PKD1L1: variants seen among roughly 807,000 people sequenced by gnomAD.
PKD1L1 encodes polycystin 1 like 1, transient receptor potential channel interacting, also known as polycystin-1-like protein 1.
Under a neutral mutation model 323.4 loss-of-function variants are expected in PKD1L1, and 236 were observed. The ratio of observed to expected loss-of-function variants is 0.73; its 90% CI spans 0.66 to 0.81. PKD1L1 has a LOEUF of 0.81. Among genes scored for constraint, PKD1L1 ranks in the 40% least tolerant of loss-of-function variants. The pLI is 0.00. For synonymous variants in PKD1L1, 1,344 were observed against 1,335.0 expected, an observed-to-expected ratio of 1.01 and a Z score of -0.15; for missense variants, 3,320 against 3,508.0, an observed-to-expected ratio of 0.95 and a Z score of 1.35.
chr7:47,940,122 T>C (rs1224773521), intron 3 of PKD1L1, 71 bp downstream of exon 3: 3 of 1,554,884 alleles, frequency 1.9e-6, no homozygotes, highest in Non-Finnish European at 2.6e-6. Context: ...AACATGGAGG[T>C]GCTTTTTAGC....
In PKD1L1 at chr7:47,908,201, G is replaced by A. The variant is rs759113323; in HGVS notation, c.1278C>T (p.Thr426=). 1.9e-5 allele frequency: 30 copies of A among 1,614,014 alleles called. No homozygotes were observed. The highest frequency in any genetic ancestry group is 1.8e-4 in the Admixed American group (11 of 60,002). The change falls in exon 9 of 57, where the codon ACC becomes ACT. Residue 426 remains threonine (T), a synonymous_variant. Coordinates refer to ENST00000289672, the MANE Select transcript of PKD1L1 (RefSeq NM_138295.5). ...CATAATAAGGCCCAAGCTCCACTTC[G>A]GTTCCATGAAACTCGTTATAAATAA... The part of the protein sequence containing the change: ...KAVIYNEFHG[T]EVELGPYYVE...
rs1006800741 is a variant in PKD1L1, at chr7:47,929,438, G to A, written c.826C>T (p.His276Tyr). The A allele has an allele frequency of 6.2e-7, 1 of 1,614,032 alleles. No individual in the cohort carries two copies. The change falls in exon 7 of 57, where the codon CAT becomes TAT. Residue 276 changes from histidine (H) to tyrosine (Y), a missense_variant. Transcript: ENST00000289672. ...CGAGCTAGGATGGCCACAGGAGGAT[G>A]CTGAGTAGGGGGATAGAGGATCTCA... ...GSEILYPPTQ[H>Y]PPVAILARNS...
At chr7:47,842,445 C>A (rs1785580770) in intron 34 of PKD1L1, among the ~76,000 whole-genome samples, 1 of 152,144 alleles carries the variant, frequency 6.6e-6, no homozygotes, top group South Asian at 2.1e-4. Context: ...GGATTTGTGT[C>A]ACACGCACTT....
At chr7:47,781,408 T>C (rs1015542851) in intron 56 of PKD1L1, among the ~76,000 whole-genome samples, 33 of 78,018 alleles carry the variant, frequency 4.2e-4, no homozygotes, top group Non-Finnish European at 7.6e-4. Context: ...TGTTTTGTTT[T>C]GTTTTTTTTT....
chr7:47,843,030 G>C lies in PKD1L1; in HGVS notation c.5377C>G (p.Pro1793Ala). 1.2e-6 allele frequency: 2 copies of C among 1,613,980 alleles called. No homozygotes were observed. Among genetic ancestry groups the C allele is most frequent in the Non-Finnish European group, 1.7e-6 (2 of 1,179,910 alleles). ...ACGACCGCATATAGCTGATGGCCCG[G>C]CAGGGAAGCTTCTTGCAGAAAGATG... The part of the protein sequence containing the change: ...GYIFLQEASL[P>A]GHQLYAVVID... Residue 1793 changes from proline to alanine, a missense_variant, in exon 34 of 57, where the codon CCG becomes GCG. Coordinates refer to ENST00000289672, the MANE Select transcript of PKD1L1 (RefSeq NM_138295.5).
At chr7:47,910,173 T>G (rs1787286953) in intron 8 of PKD1L1, among the ~76,000 whole-genome samples, 1 of 152,150 alleles carries the variant, frequency 6.6e-6, no homozygotes, top group South Asian at 2.1e-4. Flanking sequence ...GAACCAGAAC[T>G]TAACTAAGAG....
At chr7:47,873,755 G>A (rs2128745141) in intron 24 of PKD1L1, 144 bp downstream of exon 24, 1 of 569,532 alleles carries the variant, frequency 1.8e-6, no homozygotes, top group African/African-American at 1.9e-5. Flanking sequence ...TGCAGTGATA[G>A]CACCCGGACT....
intron 7 of PKD1L1, among the ~76,000 whole-genome samples, chr7:47,917,705 T>C (rs1314430082): frequency 6.6e-6 from 1 of 152,206 alleles, no homozygotes; most frequent in Non-Finnish European, 1.5e-5. Context: ...GACAAGAATT[T>C]TGTATCTAGC....
At chr7:47,854,523 T>G (rs1785853916) in intron 30 of PKD1L1, among the ~76,000 whole-genome samples, 1 of 152,196 alleles carries the variant, frequency 6.6e-6, no homozygotes, top group East Asian at 1.9e-4. Context: ...AATAATTATT[T>G]TATGAAGTTT....
upstream of PKD1L1, among the ~76,000 whole-genome samples, chr7:47,951,365 C>T (rs1027690807): frequency 6.6e-6 from 1 of 152,216 alleles, no homozygotes; most frequent in African/African-American, 2.4e-5. Flanking sequence ...ACAAAAGCCA[C>T]CTCCTTAGAA....
At chr7:47,780,045 T>A (rs1255317444) in intron 56 of PKD1L1, among the ~76,000 whole-genome samples, 1 of 152,184 alleles carries the variant, frequency 6.6e-6, no homozygotes, top group African/African-American at 2.4e-5. Flanking sequence ...TTTTTTTTAC[T>A]TTGAGATAAC....
At chr7:47,831,813 C>T (rs1333934607) in intron 41 of PKD1L1, among the ~76,000 whole-genome samples, 1 of 152,218 alleles carries the variant, frequency 6.6e-6, no homozygotes, top group African/African-American at 2.4e-5. Flanking sequence ...GGTCAGTTTC[C>T]ATTTCAGACC....
At chr7:47,952,142 ACACT>A (rs147488095), upstream of PKD1L1, among the ~76,000 whole-genome samples, 247 of 152,246 alleles carry the variant, frequency 1.6e-3, no homozygotes, top group African/African-American at 5.8e-3. Flanking sequence ...GGGTCCCATC[ACACT>A]CACGGAGACA....
At chr7:47,813,553 C>T (rs1394286051) in intron 48 of PKD1L1, 1 of 678,508 alleles carries the variant, frequency 1.5e-6, no homozygotes, top group East Asian at 2.9e-5. Context: ...GAAGACTTCC[C>T]CATCATGAGA....
chr7:47,817,954 G>T, intron 46 of PKD1L1: 1 of 1,030,036 alleles, frequency 9.7e-7, no homozygotes, highest in Admixed American at 2.9e-5. Context: ...TTCTTACGAA[G>T]AAATGATCTC....
At chr7:47,894,460 T>C (rs529985139) in intron 14 of PKD1L1, among the ~76,000 whole-genome samples, 1 of 152,338 alleles carries the variant, frequency 6.6e-6, no homozygotes, top group South Asian at 2.1e-4. Context: ...AAACATATCA[T>C]GGACTTTAGG....
intron 14 of PKD1L1, among the ~76,000 whole-genome samples, chr7:47,896,976 G>A (rs567955725): frequency 1.3e-5 from 2 of 152,258 alleles, no homozygotes; most frequent in African/African-American, 4.8e-5. Context: ...CAGCCTGCTG[G>A]GAAAGCTCTG....
rs1380163724 is a variant in PKD1L1 at position 47,792,735 on chromosome 7, C to G, written c.8418G>C (p.Leu2806Phe). 2 of 1,614,062 alleles carry G rather than the reference C, an allele frequency of 1.2e-6. No individual in the cohort carries two copies. Among genetic ancestry groups the G allele is most frequent in the Non-Finnish European group, 1.7e-6 (2 of 1,179,982 alleles). Residue 2806 changes from leucine to phenylalanine, a missense_variant, in exon 56 of 57, where the codon TTG becomes TTC. Coordinates refer to ENST00000289672, the MANE Select transcript of PKD1L1 (RefSeq NM_138295.5). ...GAAGGGGGAGTTGTAGGCTGTCGGA[C>G]AAACCATTAATCTTCATCAGAAGTT... ...LDELLMKING[L>F]SDSLQLPLLE...
chr7:47,929,921 C>A (rs1358954173), intron 6 of PKD1L1, among the ~76,000 whole-genome samples: 3 of 152,222 alleles, frequency 2.0e-5, no homozygotes, highest in South Asian at 2.1e-4. Flanking sequence ...GTCACTACTT[C>A]CTGTGTTTTT....
Sources: allele counts gnomAD v4.1 joint callset (sites outside exome capture counted in the v4.1 genomes callset), GRCh38; gene constraint gnomAD v4.1.1; transcripts MANE v1.5; gene names NCBI Gene and HGNC (gene_info 2026-07-23, HGNC 2026-07-21).